PDE4D: variants seen among roughly 807,000 people sequenced by gnomAD.
PDE4D encodes the protein phosphodiesterase 4D, also known as 3',5'-cyclic-AMP phosphodiesterase 4D.
Under a neutral mutation model 87.4 loss-of-function variants are expected in PDE4D, and 24 were observed. That is an observed-to-expected ratio of 0.27 (90% CI 0.20 to 0.39). The LOEUF (loss-of-function observed/expected upper bound fraction) is 0.39. Among genes scored for constraint, PDE4D ranks in the 10% least tolerant of loss-of-function variants. The probability of loss-of-function intolerance (pLI) is 1.00; values close to 1 mark genes in which losing one functional copy is unlikely to be tolerated. For synonymous variants in PDE4D, 384 were observed against 383.2 expected, an observed-to-expected ratio of 1.00 and a Z score of -0.02; for missense variants, 714 against 1,041.0, an observed-to-expected ratio of 0.69 and a Z score of 4.32.
At chr5:60,279,482 C>T (rs1359087270) in intron 1 of PDE4D, among the ~76,000 whole-genome samples, 2 of 152,020 alleles carry the variant, frequency 1.3e-5, no homozygotes, top group Admixed American at 6.6e-5. Flanking sequence ...AACCTAAGCT[C>T]CCGACATGGC....
At chr5:59,660,571 C>G (rs1406719257) in intron 1 of PDE4D, among the ~76,000 whole-genome samples, 7 of 152,052 alleles carry the variant, frequency 4.6e-5, no homozygotes, top group Admixed American at 2.0e-4. Flanking sequence ...TGTGCTTTTG[C>G]CTTTTAAAGA....
At chr5:60,498,075 T>C (rs1749902096) in intron 1 of PDE4D, among the ~76,000 whole-genome samples, 1 of 152,128 alleles carries the variant, frequency 6.6e-6, no homozygotes, top group African/African-American at 2.4e-5. Context: ...TTAAATCTTG[T>C]TCTTCTGCAC....
At chr5:59,695,383 T>C (rs1444605928) in intron 1 of PDE4D, among the ~76,000 whole-genome samples, 7 of 151,936 alleles carry the variant, frequency 4.6e-5, no homozygotes. Context: ...TTATACCAAA[T>C]GTCATCTCTG....
chr5:59,894,620 G>C (rs1751442705), upstream of PDE4D, among the ~76,000 whole-genome samples: 1 of 152,206 alleles, frequency 6.6e-6, no homozygotes, highest in Admixed American at 6.5e-5. Context: ...TTAAGGTTAA[G>C]GCACCTTTTC....
At chr5:60,407,419 A>C (rs1257009283) in intron 1 of PDE4D, among the ~76,000 whole-genome samples, 5 of 92,114 alleles carry the variant, frequency 5.4e-5, no homozygotes, top group Admixed American at 4.3e-4. Context: ...TCATCCTTAC[A>C]TTTGTATTAC....
intron 5 of PDE4D, among the ~76,000 whole-genome samples, chr5:59,143,052 T>C (rs563910365): frequency 3.1e-4 from 47 of 152,306 alleles, no homozygotes; most frequent in Middle Eastern, 3.4e-3. Context: ...AGAGATTCTA[T>C]AGAGGAATGA....
intron 3 of PDE4D, among the ~76,000 whole-genome samples, chr5:59,192,901 G>T (rs1223957999): frequency 6.6e-6 from 1 of 152,228 alleles, no homozygotes; most frequent in East Asian, 1.9e-4. Context: ...AATCTAACGT[G>T]CAGGTAGGGT....
rs1270326980 is a variant in PDE4D at position 59,968,157 on chromosome 5, T to C, written c.272+20331A>G. Reference sequence around the variant, plus strand: ...GCGCCACCACGCCTGGCTAATTTTGTAGTTTTAGTAGAGACGGGGTTTCTC... The same window carrying C: ...GCGCCACCACGCCTGGCTAATTTTGCAGTTTTAGTAGAGACGGGGTTTCTC... On this transcript the variant is annotated intron_variant, in intron 3 of 16. Coordinates refer to the PDE4D transcript ENST00000502484. Among the ~76,000 whole-genome samples the C allele has an allele frequency of 2.6e-5, 4 of 151,960 alleles. No homozygotes were observed. In the South Asian group the frequency reaches 6.3e-4, roughly 24 times the overall value.
In PDE4D at chr5:60,045,044, A is replaced by C. The variant is rs566580577; in HGVS notation, c.43-56327T>G. ...AGCACCTGTTGTTTCCTGACTTTTTAATGATCACCATTCTAACTGGTGTGA... is the reference window on the plus strand; with the variant it reads ...AGCACCTGTTGTTTCCTGACTTTTTCATGATCACCATTCTAACTGGTGTGA... On this transcript the variant is annotated intron_variant, in intron 2 of 16. Coordinates refer to the PDE4D transcript ENST00000502484. Among the ~76,000 whole-genome samples the C allele has an allele frequency of 1.1e-3, 173 of 152,238 alleles. 1 individual carries two copies. The highest frequency in any genetic ancestry group is 3.9e-3 in the African/African-American group (161 of 41,518).
At chr5:60,096,884 T>C (rs1775730935) in intron 2 of PDE4D, among the ~76,000 whole-genome samples, 1 of 152,100 alleles carries the variant, frequency 6.6e-6, no homozygotes, top group Non-Finnish European at 1.5e-5. Context: ...TTTTATCTCA[T>C]ACCCAAGTCT....
At chr5:59,725,008 T>C (rs187244379) in intron 1 of PDE4D, among the ~76,000 whole-genome samples, 1 of 152,220 alleles carries the variant, frequency 6.6e-6, no homozygotes, top group East Asian at 1.9e-4. Flanking sequence ...TCTTCATCCA[T>C]AAAATTCAGG....
chr5:59,684,638 G>A (rs1382667909), intron 1 of PDE4D, among the ~76,000 whole-genome samples: 5 of 152,158 alleles, frequency 3.3e-5, no homozygotes, highest in African/African-American at 1.2e-4. Flanking sequence ...GGGCCGTGAG[G>A]ATATGCTGCA....
intron 1 of PDE4D, among the ~76,000 whole-genome samples, chr5:60,354,629 T>C (rs1759461755): frequency 6.6e-6 from 1 of 152,214 alleles, no homozygotes; most frequent in Non-Finnish European, 1.5e-5. Context: ...TTTCCTGTTT[T>C]CTGGTTATAA....
chr5:59,783,071 G>A (rs1764786465), intron 1 of PDE4D, among the ~76,000 whole-genome samples: 2 of 152,106 alleles, frequency 1.3e-5, no homozygotes, highest in Non-Finnish European at 2.9e-5. Context: ...TATTACCCAG[G>A]AGATTCTAGA....
intron 1 of PDE4D, among the ~76,000 whole-genome samples, chr5:59,593,994 G>A (rs970386395): frequency 1.3e-5 from 2 of 152,066 alleles, no homozygotes; most frequent in Non-Finnish European, 2.9e-5. Context: ...CTAACCTGCT[G>A]GGGTTTTTTG....
intron 1 of PDE4D, among the ~76,000 whole-genome samples, chr5:59,340,075 C>A (rs796086577): frequency 5.3e-5 from 8 of 152,206 alleles, no homozygotes; most frequent in African/African-American, 1.7e-4. Context: ...TGTTTTAATT[C>A]TCTCTTGATG....
intron 2 of PDE4D, among the ~76,000 whole-genome samples, chr5:59,207,295 A>G (rs1415490846): frequency 2.0e-5 from 3 of 152,192 alleles, no homozygotes; most frequent in Non-Finnish European, 4.4e-5. Context: ...GAGGGTTGAG[A>G]TAAAGTGAGA....
intron 2 of PDE4D, among the ~76,000 whole-genome samples, chr5:60,060,691 C>T (rs754318552): frequency 2.0e-5 from 3 of 151,976 alleles, no homozygotes; most frequent in Non-Finnish European, 4.4e-5. Context: ...TGGGACCTGG[C>T]TATTAAATGT....
intron 1 of PDE4D, among the ~76,000 whole-genome samples, chr5:59,472,840 A>T (rs1802659384): frequency 6.6e-6 from 1 of 151,840 alleles, no homozygotes; most frequent in South Asian, 2.1e-4. Context: ...TTAATGACTT[A>T]AAAAAAAGAA....
Sources: allele counts gnomAD v4.1 joint callset (sites outside exome capture counted in the v4.1 genomes callset), GRCh38; gene constraint gnomAD v4.1.1; transcripts MANE v1.5; gene names NCBI Gene and HGNC (gene_info 2026-07-23, HGNC 2026-07-21).